Variants in PAQR3 observed in about 807,000 individuals in gnomAD.
PAQR3 encodes the protein Raf kinase trapping to Golgi.
Under a neutral mutation model 41.7 loss-of-function variants are expected in PAQR3, and 39 were observed. That is an observed-to-expected ratio of 0.93 (90% CI 0.72 to 1.22). PAQR3 has a LOEUF of 1.22. PAQR3 is among the 50% of genes most tolerant of loss of function. PAQR3 has a pLI of 0.00. For synonymous variants in PAQR3, 140 were observed against 140.6 expected (o/e 1.00, Z 0.03); for missense variants, 366 against 385.6 (o/e 0.95, Z 0.42).
chr4:78,906,421 G>A (rs555276705), intron 10 of PAQR3, among the ~76,000 whole-genome samples: 1 of 152,082 alleles, frequency 6.6e-6, no homozygotes, highest in Non-Finnish European at 1.5e-5. Context: ...CCAGTTGCCC[G>A]TACTATTTGC....
intron 3 of PAQR3, among the ~76,000 whole-genome samples, chr4:78,927,741 T>C (rs1470831945): frequency 6.6e-6 from 1 of 152,246 alleles, no homozygotes; most frequent in Non-Finnish European, 1.5e-5. Flanking sequence ...TTATGGGATA[T>C]GCAGGTATTT....
intron 4 of PAQR3, among the ~76,000 whole-genome samples, chr4:78,925,499 G>C (rs1259501478): frequency 6.6e-6 from 1 of 151,974 alleles, no homozygotes; most frequent in Non-Finnish European, 1.5e-5. Context: ...CCTCACATTG[G>C]CCAAGTAGCC....
intron 11 of PAQR3, among the ~76,000 whole-genome samples, chr4:78,890,039 A>G (rs879334106): frequency 1.3e-5 from 2 of 152,092 alleles, no homozygotes; most frequent in Non-Finnish European, 1.5e-5. Flanking sequence ...TTTAACCTCA[A>G]CTTTGATACT....
At chr4:78,929,907 T>G (rs563391918) in intron 3 of PAQR3, among the ~76,000 whole-genome samples, 90 of 152,314 alleles carry the variant, frequency 5.9e-4, no homozygotes, top group African/African-American at 1.1e-3. Flanking sequence ...AGTGAAAACA[T>G]TAATAATTTA....
intron 11 of PAQR3, among the ~76,000 whole-genome samples, chr4:78,888,330 A>C (rs926450330): frequency 3.9e-5 from 6 of 152,208 alleles, no homozygotes; most frequent in African/African-American, 1.4e-4. Context: ...ATTCTGCATA[A>C]ATGTGTTCCC....
chr4:78,910,483 T>C, downstream of PAQR3: 1 of 787,228 alleles, frequency 1.3e-6, no homozygotes, highest in East Asian at 2.9e-5. Context: ...TTGACAACAT[T>C]ATTTTTTCCT....
chr4:78,911,136 C>A, downstream of PAQR3: 1 of 1,614,014 alleles, frequency 6.2e-7, no homozygotes, highest in South Asian at 1.1e-5. Flanking sequence ...CTGTCCCCTT[C>A]TTTGCAGTGC....
rs1202494307 is a variant in PAQR3 at position 78,916,590 on chromosome 4, C to T, written c.*3949G>A. ...GACTTAAGAGTTTTTGCCACAAGAA[C>T]ACTTAATAGCACGACTTTTTCAGTG... On this transcript the variant is annotated 3_prime_UTR_variant, in exon 6 of 6. Transcript: ENST00000512733. 1 of 151,868 alleles carries T rather than the reference C, an allele frequency of 6.6e-6. No individual in the cohort carries two copies. Among genetic ancestry groups the T allele is most frequent in the Non-Finnish European group, 1.5e-5 (1 of 67,864 alleles). 9.4% of individuals were successfully genotyped at this position (151,868 alleles called of 1,614,324 possible).
intron 5 of PAQR3, chr4:78,921,712 C>A (rs1239320943): frequency 3.0e-6 from 3 of 984,914 alleles, no homozygotes; most frequent in Non-Finnish European, 3.6e-6. Flanking sequence ...TGAATGAAAG[C>A]TTTTAGTTTA....
chr4:78,890,008 G>C (rs183296966), intron 11 of PAQR3, among the ~76,000 whole-genome samples: 1 of 152,120 alleles, frequency 6.6e-6, no homozygotes, highest in African/African-American at 2.4e-5. Flanking sequence ...TATTTTGAAA[G>C]AAAAAGTTTC....
At chr4:78,891,773 C>T (rs1733452780) in intron 11 of PAQR3, among the ~76,000 whole-genome samples, 1 of 152,096 alleles carries the variant, frequency 6.6e-6, no homozygotes, top group Non-Finnish European at 1.5e-5. Flanking sequence ...AAATTATTTT[C>T]TTCCCAGAGA....
At chr4:78,903,773 T>G (rs1469532237) in intron 11 of PAQR3, among the ~76,000 whole-genome samples, 1 of 152,002 alleles carries the variant, frequency 6.6e-6, no homozygotes, top group Non-Finnish European at 1.5e-5. Flanking sequence ...TTTTATTTTT[T>G]GGGCATGGTT....
chr4:78,911,989 G>A lies in PAQR3; in HGVS notation c.*8550C>T, dbSNP rs754970059. The stretch of plus-strand genomic sequence containing the variant: ...TCAGTCCCAACAGTCCCAACCAGTC[G>A]AATTAGACCCATTTGGTGCTGCTCC... On this transcript the variant is annotated 3_prime_UTR_variant, in exon 6 of 6. Coordinates refer to ENST00000512733, the MANE Select transcript of PAQR3 (RefSeq NM_001040202.2). 3 of 1,613,634 alleles carry A rather than the reference G, an allele frequency of 1.9e-6. No individual in the cohort carries two copies. Among genetic ancestry groups the A allele is most frequent in the Admixed American group, 1.7e-5 (1 of 60,018 alleles).
At position 78,901,487 on chromosome 4, in the gene PAQR3, C is replaced by T. The variant is rs192490118; in HGVS notation, c.*836+4621G>A. Among the ~76,000 whole-genome samples, 393 of 152,236 alleles carry T rather than the reference C, an allele frequency of 2.6e-3. 1 individual carries two copies. The highest frequency in any genetic ancestry group is 4.4e-3 in the Non-Finnish European group (302 of 68,016). On this transcript the variant is annotated intron_variant and NMD_transcript_variant, in intron 11 of 12. Coordinates refer to the PAQR3 transcript ENST00000342820. ...TGAATGAAACCTTTAAAATGTAGAA[C>T]CTGTTTGTGAGGATTTCCACTACCA...
rs1008257192 is a variant in PAQR3, at chr4:78,921,638, G to C, written c.794-957C>G. The C allele has an allele frequency of 1.6e-5, 15 of 965,922 alleles. 1 individual carries two copies. In the South Asian group the frequency reaches 6.2e-4, roughly 40 times the overall value. The allele number at this position is 965,922 out of a possible 1,614,324, so 59.8% of individuals were successfully genotyped here. On this transcript the variant is annotated intron_variant, in intron 5 of 5. Coordinates refer to ENST00000512733, the MANE Select transcript of PAQR3 (RefSeq NM_001040202.2). Reference sequence around the variant, plus strand: ...CTCAATTCTATCCATGGACACCTTGGGGACCCTTGGACCCATCAAATGCCA... The same window carrying C: ...CTCAATTCTATCCATGGACACCTTGCGGACCCTTGGACCCATCAAATGCCA...
chr4:78,933,570 T>C (rs187177822), intron 2 of PAQR3, among the ~76,000 whole-genome samples: 162 of 152,250 alleles, frequency 1.1e-3, no homozygotes, highest in African/African-American at 3.8e-3. Flanking sequence ...TGATAAGAAG[T>C]GGTCTTTTCA....
Position 78,894,076 on chromosome 4 carries a change from A to G in PAQR3, c.*837-5928T>C, listed in dbSNP as rs1733577227. Reference sequence around the variant, plus strand: ...GTGGGTTTCAAATAATCAGTAAACTATGCTGGAAACAGATGTGATGTCATC... The same window carrying G: ...GTGGGTTTCAAATAATCAGTAAACTGTGCTGGAAACAGATGTGATGTCATC... On this transcript the variant is annotated intron_variant and NMD_transcript_variant, in intron 11 of 12. Transcript: ENST00000342820. Among the ~76,000 whole-genome samples the G allele has an allele frequency of 2.0e-5, 3 of 152,364 alleles. No homozygotes were observed. The South Asian group carries it at 6.2e-4, about 32-fold the overall frequency.
intron 11 of PAQR3, among the ~76,000 whole-genome samples, chr4:78,902,578 A>C (rs1411998690): frequency 1.3e-5 from 2 of 152,142 alleles, no homozygotes; most frequent in Non-Finnish European, 2.9e-5. Context: ...ACCCTCAATG[A>C]TGAGACAACA....
At chr4:78,937,136 T>C (rs1737511055) in intron 1 of PAQR3, among the ~76,000 whole-genome samples, 1 of 152,224 alleles carries the variant, frequency 6.6e-6, no homozygotes, top group Admixed American at 6.5e-5. Context: ...ACCCTTAGAC[T>C]GATTCCTTAT....
Sources: allele counts gnomAD v4.1 joint callset (sites outside exome capture counted in the v4.1 genomes callset), GRCh38; gene constraint gnomAD v4.1.1; transcripts MANE v1.5; gene names NCBI Gene and HGNC (gene_info 2026-07-23, HGNC 2026-07-21).